The following B4GALT1 variants were observed in gnomAD, a reference collection of about 807,000 sequenced individuals.
B4GALT1 encodes N-acetyllactosamine synthase.
In B4GALT1, 16 loss-of-function variants were observed where a neutral mutation model predicts 34.9. That is an observed-to-expected ratio of 0.46 (90% CI 0.31 to 0.70). The LOEUF (loss-of-function observed/expected upper bound fraction) is 0.70. Ranked by LOEUF, B4GALT1 falls within the 30% of genes least tolerant of loss-of-function variation. B4GALT1 has a pLI of 0.05. For synonymous variants in B4GALT1, 221 were observed against 218.1 expected (o/e 1.01, Z -0.12); for missense variants, 445 against 530.5 (o/e 0.84, Z 1.58).
intron 1 of B4GALT1, among the ~76,000 whole-genome samples, chr9:33,138,481 C>T (rs1840302924): frequency 6.6e-6 from 1 of 152,122 alleles, no homozygotes; most frequent in African/African-American, 2.4e-5. Context: ...TCCCTGCCCT[C>T]AGCATGAATT....
intron 1 of B4GALT1, among the ~76,000 whole-genome samples, chr9:33,163,315 T>G (rs1314945689): frequency 6.6e-6 from 1 of 152,186 alleles, no homozygotes; most frequent in Non-Finnish European, 1.5e-5. Flanking sequence ...CATGAGCAAG[T>G]GCTCCTCGGG....
intron 3 of B4GALT1, among the ~76,000 whole-genome samples, chr9:33,118,742 C>T (rs1839978159): frequency 6.6e-6 from 1 of 152,128 alleles, no homozygotes; most frequent in African/African-American, 2.4e-5. Flanking sequence ...GCCAACCACA[C>T]TGTACTAGTC....
At chr9:33,177,965 T>A in the B4GALT1 span, among the ~76,000 whole-genome samples, 2 of 149,348 alleles carry the variant, frequency 1.3e-5, no homozygotes, top group African/African-American at 4.9e-5. Flanking sequence ...GCATTCTGAA[T>A]GCATAGGAGG....
downstream of B4GALT1, among the ~76,000 whole-genome samples, chr9:33,109,847 G>A (rs1247302769): frequency 1.3e-5 from 2 of 152,244 alleles, no homozygotes; most frequent in African/African-American, 2.4e-5. Context: ...TACATATCTA[G>A]GGGCAGAACT....
intron 2 of B4GALT1, among the ~76,000 whole-genome samples, chr9:33,133,491 G>T (rs1193320436): frequency 6.6e-6 from 1 of 152,196 alleles, no homozygotes; most frequent in African/African-American, 2.4e-5. Flanking sequence ...GCCGTCATTG[G>T]TATGTGCTAA....
At chr9:33,159,024 A>T (rs967261338) in intron 1 of B4GALT1, among the ~76,000 whole-genome samples, 1 of 152,156 alleles carries the variant, frequency 6.6e-6, no homozygotes, top group Non-Finnish European at 1.5e-5. Flanking sequence ...TCTAAATGTC[A>T]GGCGCTACCC....
upstream of B4GALT1, among the ~76,000 whole-genome samples, chr9:33,167,616 C>T (rs926933072): frequency 6.6e-6 from 1 of 152,240 alleles, no homozygotes; most frequent in East Asian, 1.9e-4. Flanking sequence ...GCCGCGCCTC[C>T]TCTTCCTCCT....
intron 1 of B4GALT1, among the ~76,000 whole-genome samples, chr9:33,154,036 AGGGAGGGAGGG>A: frequency 7.1e-5 from 1 of 14,160 alleles, no homozygotes. Context: ...GAAGGAAGGG[AGGGAGGGAGGG>A]AGGGAGGGAG....
chr9:33,165,629 G>C (rs1840739497), intron 1 of B4GALT1, among the ~76,000 whole-genome samples: 1 of 152,226 alleles, frequency 6.6e-6, no homozygotes, highest in South Asian at 2.1e-4. Context: ...CTGTGGGAAA[G>C]TGACAGAAAA....
At chr9:33,104,745 G>A (rs780106624) in exon 3 of B4GALT1, 18 of 455,778 alleles carry the variant, frequency 3.9e-5, no homozygotes, top group South Asian at 1.9e-4. Flanking sequence ...CAGACCAGGC[G>A]AAGCCTTCAC....
At chr9:33,181,345 G>A in the B4GALT1 span, among the ~76,000 whole-genome samples, 18 of 151,668 alleles carry the variant, frequency 1.2e-4, no homozygotes, top group Non-Finnish European at 2.2e-4. Flanking sequence ...GATTGCCTAA[G>A]CCCAGGAGGT....
chr9:33,174,640 C>G, the B4GALT1 span, among the ~76,000 whole-genome samples: 2 of 149,676 alleles, frequency 1.3e-5, no homozygotes, highest in African/African-American at 4.9e-5. Context: ...CAGAGTGAGA[C>G]TCCGTCTCAA....
At position 33,120,326 on chromosome 9, in the gene B4GALT1, T is replaced by TA. The variant is rs1840002146; in HGVS notation, c.836+92dup. 8 of 1,428,558 alleles carry TA rather than the reference T, an allele frequency of 5.6e-6. No homozygotes were observed. In the Admixed American group the frequency reaches 1.3e-4, roughly 24 times the overall value. 88.5% of individuals were successfully genotyped at this position (1,428,558 alleles called of 1,614,324 possible). Reference sequence around the variant, plus strand: ...AGAGGAGGCATTCTGCTCCAGAGCTTAAAGAGGCACTCTTGAGCTGCCAGG... The same window carrying TA: ...AGAGGAGGCATTCTGCTCCAGAGCTTAAAAGAGGCACTCTTGAGCTGCCAGG... On this transcript the variant is annotated intron_variant, in intron 3 of 5. Coordinates refer to ENST00000379731, the MANE Select transcript of B4GALT1 (RefSeq NM_001497.4).
intron 3 of B4GALT1, among the ~76,000 whole-genome samples, chr9:33,116,945 T>C (rs1839948763): frequency 6.6e-6 from 1 of 152,220 alleles, no homozygotes; most frequent in Non-Finnish European, 1.5e-5. Context: ...AAAAGTATGA[T>C]CTTCCTCTTT....
At chr9:33,163,047 C>T (rs879679926) in intron 1 of B4GALT1, among the ~76,000 whole-genome samples, 6 of 152,132 alleles carry the variant, frequency 3.9e-5, no homozygotes, top group Non-Finnish European at 8.8e-5. Context: ...CAGGATGAAG[C>T]TCCACCCCAA....
chr9:33,124,793 T>G (rs1840068373), intron 2 of B4GALT1, among the ~76,000 whole-genome samples: 1 of 152,304 alleles, frequency 6.6e-6, no homozygotes, highest in Admixed American at 6.5e-5. Flanking sequence ...TCCTCCCAAA[T>G]CCTGCTTCTC....
intron 3 of B4GALT1, 34 bp from the exon 4 acceptor site, chr9:33,116,147 G>A (rs1210385393): frequency 6.2e-7 from 1 of 1,606,834 alleles, no homozygotes; most frequent in East Asian, 2.2e-5. Flanking sequence ...AAGGAGCAGT[G>A]GTTAGTTAAG....
intron 2 of B4GALT1, among the ~76,000 whole-genome samples, chr9:33,126,386 T>C (rs987559875): frequency 2.6e-5 from 4 of 152,216 alleles, no homozygotes; most frequent in Non-Finnish European, 4.4e-5. Context: ...TGTGGAGGGC[T>C]AATAATATCT....
In B4GALT1 at chr9:33,116,738, G is replaced by C. The variant is rs144151576; in HGVS notation, c.837-625C>G. On this transcript the variant is annotated intron_variant, in intron 3 of 5. Transcript: ENST00000379731. ...GGGTTTCACCATATTGGTCAGGCTG[G>C]TCTCGAACTCCTGACCTCAGGTGAT... Among the ~76,000 whole-genome samples the C allele has an allele frequency of 9.3e-3, 1,411 of 151,282 alleles. 23 individuals carry two copies. Among genetic ancestry groups the C allele is most frequent in the African/African-American group, 0.032 (1,328 of 41,184 alleles).
Sources: gnomAD v4.1 joint callset for allele counts (sites outside exome capture counted in the v4.1 genomes callset) on GRCh38, gnomAD v4.1.1 for gene constraint, MANE v1.5 for transcripts, NCBI Gene and HGNC (gene_info 2026-07-23, HGNC 2026-07-21) for gene names.